Variants in MMP16 observed in about 807,000 individuals in gnomAD.
MMP16 encodes the protein matrix metalloproteinase-16.
Under a neutral mutation model 67.8 loss-of-function variants are expected in MMP16, and 12 were observed. The observed-to-expected ratio is 0.18, with a 90% CI of 0.11 to 0.29. The LOEUF (loss-of-function observed/expected upper bound fraction) is 0.29, where lower values mean the gene tolerates loss of function less well. MMP16 is among the 10% of genes least tolerant of loss of function. The probability of loss-of-function intolerance (pLI) is 1.00; values close to 1 mark genes in which losing one functional copy is unlikely to be tolerated. For missense variants in MMP16, 475 were observed against 765.7 expected (o/e 0.62, Z 4.48); for synonymous variants, 249 against 255.9 (o/e 0.97, Z 0.26).
At chr8:88,106,041 TAC>T (rs1037606391) in intron 6 of MMP16, among the ~76,000 whole-genome samples, 15 of 114,076 alleles carry the variant, frequency 1.3e-4, no homozygotes, top group African/African-American at 4.5e-4. Flanking sequence ...TATATATATT[TAC>T]ACGTTATGTA....
At chr8:88,243,019 C>T (rs1176210229) in intron 1 of MMP16, among the ~76,000 whole-genome samples, 2 of 151,926 alleles carry the variant, frequency 1.3e-5, no homozygotes, top group African/African-American at 4.8e-5. Context: ...AAAAGAAATG[C>T]CCTATAATCT....
chr8:88,204,226 T>C (rs28905770), intron 1 of MMP16, among the ~76,000 whole-genome samples: 2,728 of 152,296 alleles, frequency 0.018, 88 homozygotes, highest in African/African-American at 0.059. Flanking sequence ...GTTTTTAGAA[T>C]GAACTGATAG....
At chr8:88,196,678 T>G (rs529995299) in intron 2 of MMP16, among the ~76,000 whole-genome samples, 1 of 152,294 alleles carries the variant, frequency 6.6e-6, no homozygotes, top group East Asian at 1.9e-4. Flanking sequence ...AACTGTTAAC[T>G]GGCTCTCTGA....
intron 4 of MMP16, among the ~76,000 whole-genome samples, chr8:88,156,702 AT>A (rs550388769): frequency 5.3e-5 from 8 of 151,318 alleles, no homozygotes; most frequent in African/African-American, 9.7e-5. Flanking sequence ...GACCAATTGG[AT>A]TTTTTTTTCA....
At chr8:88,187,354 T>G (rs4960952) in intron 2 of MMP16, among the ~76,000 whole-genome samples, 29,495 of 152,128 alleles carry the variant, frequency 0.19, 3,985 homozygotes, top group East Asian at 0.54. Context: ...AGAGTCTCAT[T>G]GGACCACTGT....
At chr8:88,051,283 T>C (rs867750572) in intron 8 of MMP16, among the ~76,000 whole-genome samples, 2 of 152,176 alleles carry the variant, frequency 1.3e-5, no homozygotes, top group South Asian at 4.1e-4. Context: ...AATAAGCTTA[T>C]AGATGCATTG....
intron 1 of MMP16, among the ~76,000 whole-genome samples, chr8:88,236,563 C>T (rs1809943581): frequency 6.6e-6 from 1 of 151,994 alleles, no homozygotes; most frequent in Admixed American, 6.6e-5. Context: ...TGAGATCAGC[C>T]TGGGCAACAT....
chr8:88,292,477 G>T (rs1436474552), intron 1 of MMP16, among the ~76,000 whole-genome samples: 3 of 152,174 alleles, frequency 2.0e-5, no homozygotes, highest in Admixed American at 2.0e-4. Context: ...TAGCTAGACA[G>T]ATCAAACAGT....
intron 4 of MMP16, among the ~76,000 whole-genome samples, chr8:88,145,994 T>C (rs1808283906): frequency 1.3e-5 from 2 of 151,986 alleles, no homozygotes; most frequent in African/African-American, 2.4e-5. Flanking sequence ...AGTGCTGAGG[T>C]TGAGAAATGC....
chr8:88,285,205 T>C (rs1248756471), intron 1 of MMP16, among the ~76,000 whole-genome samples: 1 of 152,170 alleles, frequency 6.6e-6, no homozygotes, highest in Non-Finnish European at 1.5e-5. Flanking sequence ...AATAGCATGA[T>C]CTTGGCTCAC....
chr8:88,170,247 C>G (rs1196465609), intron 3 of MMP16, among the ~76,000 whole-genome samples: 2 of 152,120 alleles, frequency 1.3e-5, no homozygotes. Flanking sequence ...GAAGGCTATG[C>G]AATATTTTGT....
At position 88,150,862 on chromosome 8, in the gene MMP16, A is replaced by C. The variant is rs1461383141; in HGVS notation, c.709+16807T>G. Among the ~76,000 whole-genome samples the C allele has an allele frequency of 5.5e-5, 8 of 144,924 alleles. No individual in the cohort carries two copies. In the East Asian group the frequency reaches 6.4e-4, roughly 12 times the overall value. ...GACAGGATCAAATTCACACATAACA[A>C]TATTAACTTTAAATGTAAATGGACT... On this transcript the variant is annotated intron_variant, in intron 4 of 9. Coordinates refer to ENST00000286614, the MANE Select transcript of MMP16 (RefSeq NM_005941.5).
intron 4 of MMP16, among the ~76,000 whole-genome samples, chr8:88,139,209 CTG>C (rs28907605): frequency 0.07 from 10,631 of 152,086 alleles, 396 homozygotes; most frequent in East Asian, 0.16. Context: ...GCTCAATCAT[CTG>C]TTAGTTCCCC....
chr8:88,172,030 T>A (rs1375199950), intron 3 of MMP16, among the ~76,000 whole-genome samples: 1 of 152,156 alleles, frequency 6.6e-6, no homozygotes, highest in African/African-American at 2.4e-5. Flanking sequence ...TTTCACCATG[T>A]TGGCCAGGCT....
intron 1 of MMP16, among the ~76,000 whole-genome samples, chr8:88,282,076 C>CT (rs67009911): frequency 8.5e-5 from 3 of 35,130 alleles, no homozygotes; most frequent in African/African-American, 2.4e-4. Context: ...ATTTTTTTTT[C>CT]TTTTTTGGGG....
At chr8:88,170,871 G>T (rs1808788843) in intron 3 of MMP16, among the ~76,000 whole-genome samples, 1 of 152,110 alleles carries the variant, frequency 6.6e-6, no homozygotes, top group Non-Finnish European at 1.5e-5. Flanking sequence ...ACAAAAATGG[G>T]AGTAATAAAA....
At chr8:88,107,902 T>C (rs1253576911) in intron 6 of MMP16, among the ~76,000 whole-genome samples, 3 of 151,110 alleles carry the variant, frequency 2.0e-5, no homozygotes, top group African/African-American at 4.8e-5. Flanking sequence ...TGAAAACTAA[T>C]TAACTTTAAT....
chr8:88,274,642 C>T (rs1215855876), intron 1 of MMP16, among the ~76,000 whole-genome samples: 1 of 151,920 alleles, frequency 6.6e-6, no homozygotes, highest in African/African-American at 2.4e-5. Context: ...AAATGCACTG[C>T]CCAATGTAAA....
chr8:88,283,608 T>C (rs1810776316), intron 1 of MMP16, among the ~76,000 whole-genome samples: 1 of 152,156 alleles, frequency 6.6e-6, no homozygotes, highest in South Asian at 2.1e-4. Flanking sequence ...TGATCTATAA[T>C]ATCCTTTAGA....
Sources: gnomAD v4.1 joint callset for allele counts (sites outside exome capture counted in the v4.1 genomes callset) on GRCh38, gnomAD v4.1.1 for gene constraint, MANE v1.5 for transcripts, NCBI Gene and HGNC (gene_info 2026-07-23, HGNC 2026-07-21) for gene names.